The following PFKFB3 variants were observed in gnomAD, a reference collection of about 807,000 sequenced individuals.
PFKFB3 encodes 6-phosphofructo-2-kinase/fructose-2,6-bisphosphatase 3.
Under a neutral mutation model 68.0 loss-of-function variants are expected in PFKFB3, and 33 were observed. The observed-to-expected ratio is 0.49, with a 90% CI of 0.37 to 0.65. The LOEUF is 0.65. Among genes scored for constraint, PFKFB3 ranks in the 30% least tolerant of loss-of-function variants. PFKFB3 has a pLI of 0.00. For missense variants in PFKFB3, 586 were observed against 712.2 expected (o/e 0.82, Z 2.02); for synonymous variants, 315 against 288.2 (o/e 1.09, Z -0.94).
the PFKFB3 span, among the ~76,000 whole-genome samples, chr10:6,271,289 C>T: frequency 5.9e-5 from 9 of 152,344 alleles, no homozygotes; most frequent in South Asian, 2.1e-4. Context: ...AACCGAAGAG[C>T]GTTACCTTTC....
At chr10:6,238,477 C>CAAAAAAAAAAAAAAAAAAAAA (rs71390201), downstream of PFKFB3, among the ~76,000 whole-genome samples, 1 of 89,556 alleles carries the variant, frequency 1.1e-5, no homozygotes, top group Non-Finnish European at 2.0e-5. Context: ...GGTGCCATCT[C>CAAAAAAAAAAAAAAAAAAAAA]AAAAAAAAAA....
In PFKFB3 at chr10:6,156,129, A is replaced by ATGTGTG. The variant is rs112267780; in HGVS notation, c.16+11146_16+11151dup. Reference sequence around the variant, plus strand: ...AGATATTATATATATGTACATATATATGTGTGTGTGTGTGTGTGTGTGTGT... The same window carrying ATGTGTG: ...AGATATTATATATATGTACATATATATGTGTGTGTGTGTGTGTGTGTGTGTGTGTGT... On this transcript the variant is annotated intron_variant, in intron 1 of 14. Coordinates refer to the PFKFB3 transcript ENST00000379789. Among the ~76,000 whole-genome samples the ATGTGTG allele has an allele frequency of 8.1e-3, 784 of 96,958 alleles. 9 individuals are homozygous for ATGTGTG. The highest frequency in any genetic ancestry group is 0.018 in the African/African-American group (644 of 35,020). The allele number at this position is 96,958 out of a possible 152,430, so 63.6% of individuals were successfully genotyped here. A position where few individuals can be genotyped will look rare whatever the true frequency, so the allele number is the denominator to read the frequency against.
chr10:6,277,381 C>T, the PFKFB3 span, among the ~76,000 whole-genome samples: 97 of 146,956 alleles, frequency 6.6e-4, no homozygotes, highest in African/African-American at 2.3e-3. Context: ...CCAACACGCC[C>T]AGCTAATTTT....
intron 1 of PFKFB3, among the ~76,000 whole-genome samples, chr10:6,207,201 C>G (rs1453057388): frequency 6.6e-6 from 1 of 151,946 alleles, no homozygotes; most frequent in Admixed American, 6.6e-5. Flanking sequence ...CTCGGGAGGC[C>G]GAGGCTGGCG....
upstream of PFKFB3, among the ~76,000 whole-genome samples, chr10:6,200,693 G>GGGGGGGGCC: frequency 9.5e-6 from 1 of 105,748 alleles, no homozygotes; most frequent in Admixed American, 9.3e-5. Flanking sequence ...TGGTGGTGGG[G>GGGGGGGGCC]CGGGGATTGA....
At position 6,216,157 on chromosome 10, in the gene PFKFB3, A is replaced by G. The variant is rs765641319; in HGVS notation, c.332A>G (p.Lys111Arg). ...QCALAALRDV[K>R]SYLAKEGGQI... ...GCCTTAGCTGCCTTGAGAGATGTCA[A>G]AAGCTACCTGGCGAAAGAAGGGGGA... Residue 111 changes from lysine to arginine, a missense_variant, in exon 4 of 15, where the codon AAA becomes AGA. Transcript: ENST00000379775. 82 of 1,614,048 alleles carry G rather than the reference A, an allele frequency of 5.1e-5. No individual in the cohort carries two copies. Among genetic ancestry groups the G allele is most frequent in the African/African-American group, 8.0e-5 (6 of 74,918 alleles).
rs1324211523 is a variant in PFKFB3, at chr10:6,234,651, G to C, written c.*1709G>C. On this transcript the variant is annotated 3_prime_UTR_variant, in exon 15 of 15. Coordinates refer to ENST00000379775, the MANE Select transcript of PFKFB3 (RefSeq NM_004566.4). ...TCTCATCAGAATATGTGGGTAGGGG[G>C]TGGACGTGCACGGGTGCATGATTGT... 6.6e-6 allele frequency: 1 copy of C among 152,348 alleles called. No homozygotes were observed. Among genetic ancestry groups the C allele is most frequent in the African/African-American group, 2.4e-5 (1 of 41,438 alleles). The allele number at this position is 152,348 out of a possible 1,614,324, so 9.4% of individuals were successfully genotyped here. A position where few individuals can be genotyped will look rare whatever the true frequency, so the allele number is the denominator to read the frequency against.
the PFKFB3 span, among the ~76,000 whole-genome samples, chr10:6,283,531 A>G: frequency 1.3e-5 from 2 of 152,396 alleles, no homozygotes; most frequent in East Asian, 3.9e-4. Context: ...AGCATCCAGC[A>G]TGGGAGAAAG....
the PFKFB3 span, among the ~76,000 whole-genome samples, chr10:6,281,876 C>A: frequency 1.3e-5 from 2 of 151,762 alleles, no homozygotes; most frequent in Non-Finnish European, 2.9e-5. Flanking sequence ...AAAACAAATT[C>A]ATGAGCTTGA....
chr10:6,227,125 T>C (rs1245240431), intron 14 of PFKFB3, among the ~76,000 whole-genome samples: 1 of 152,154 alleles, frequency 6.6e-6, no homozygotes, highest in African/African-American at 2.4e-5. Flanking sequence ...ATTTCACTTA[T>C]TTCATTAATT....
At chr10:6,194,653 C>A (rs1321947220) in intron 1 of PFKFB3, among the ~76,000 whole-genome samples, 2 of 152,146 alleles carry the variant, frequency 1.3e-5, no homozygotes, top group Admixed American at 6.5e-5. Flanking sequence ...AGCCAAAGAG[C>A]CAGAGGTCTA....
chr10:6,322,128 C>T, the PFKFB3 span, among the ~76,000 whole-genome samples: 2 of 152,296 alleles, frequency 1.3e-5, no homozygotes, highest in Non-Finnish European at 2.9e-5. Flanking sequence ...GAACATATCC[C>T]ATGTGAATTT....
chr10:6,150,723 C>A (rs544460783), intron 1 of PFKFB3, among the ~76,000 whole-genome samples: 2 of 152,290 alleles, frequency 1.3e-5, no homozygotes, highest in South Asian at 2.1e-4. Context: ...CCAGGCTGTG[C>A]GTGGTGGCTC....
intron 14 of PFKFB3, among the ~76,000 whole-genome samples, chr10:6,227,936 TG>T (rs1564642853): frequency 6.6e-6 from 1 of 151,914 alleles, no homozygotes; most frequent in African/African-American, 2.4e-5. Context: ...CTTTGATGCT[TG>T]GGGGGACCAG....
At chr10:6,236,125 G>T (rs147938819), downstream of PFKFB3, among the ~76,000 whole-genome samples, 211 of 152,208 alleles carry the variant, frequency 1.4e-3, no homozygotes, top group Non-Finnish European at 2.2e-3. Flanking sequence ...TTAAACACCA[G>T]TTCTTGCCTC....
intron 14 of PFKFB3, among the ~76,000 whole-genome samples, chr10:6,227,391 G>A (rs1045386965): frequency 2.6e-5 from 4 of 152,162 alleles, no homozygotes; most frequent in Non-Finnish European, 5.9e-5. Flanking sequence ...TGCTGGTGCT[G>A]GCTCTGAGCA....
At position 6,217,197 on chromosome 10, in the gene PFKFB3, ACAGCCGGGAG is replaced by A; in HGVS notation, c.498+8_498+17del. On this transcript the variant is annotated splice_region_variant and intron_variant, in intron 6 of 14. Transcript: ENST00000379775. ...TTGTGGCCTCCAATATCATGGTAAG[ACAGCCGGGAG>A]CCCCGTGCTTCTGCGGCAGCGTAGA... is the stretch of plus-strand genomic sequence containing the variant. 1 of 1,613,516 alleles carries A rather than the reference ACAGCCGGGAG, an allele frequency of 6.2e-7. No homozygotes were observed. The highest frequency in any genetic ancestry group is 8.5e-7 in the Non-Finnish European group (1 of 1,179,450).
chr10:6,268,493 C>T, the PFKFB3 span, among the ~76,000 whole-genome samples: 3 of 151,868 alleles, frequency 2.0e-5, no homozygotes, highest in East Asian at 1.9e-4. Flanking sequence ...GGGATGTTTG[C>T]GTGCACCTGT....
Position 6,220,521 on chromosome 10 carries a change from G to C in PFKFB3, c.624-137G>C. ...TACGCATATGCTCTGCCCCTTAGAA[G>C]GATTCAGTCTGTGCCCTGGAGGGGC... On this transcript the variant is annotated intron_variant, in intron 7 of 14. Coordinates refer to ENST00000379775, the MANE Select transcript of PFKFB3 (RefSeq NM_004566.4). This position sits in a 1 kb window ranked among gnomAD's most constrained non-coding sequence, Gnocchi z 4.1. 1.4e-6 allele frequency: 1 copy of C among 716,576 alleles called. No individual in the cohort carries two copies. The highest frequency in any genetic ancestry group is 2.4e-6 in the Non-Finnish European group (1 of 418,190). The allele number at this position is 716,576 out of a possible 1,614,324, so 44.4% of individuals were successfully genotyped here. A position where few individuals can be genotyped will look rare whatever the true frequency, so the allele number is the denominator to read the frequency against.
Sources: allele counts gnomAD v4.1 joint callset (sites outside exome capture counted in the v4.1 genomes callset), GRCh38; gene constraint gnomAD v4.1.1; non-coding constraint Gnocchi (gnomAD v3.1); transcripts MANE v1.5; gene names NCBI Gene and HGNC (gene_info 2026-07-23, HGNC 2026-07-21).